ATR: variants seen among roughly 807,000 people sequenced by gnomAD.
ATR encodes serine/threonine-protein kinase ATR.
ATR carries 142 observed loss-of-function variants against 305.3 expected under a neutral mutation model. The ratio of observed to expected loss-of-function variants is 0.47; its 90% CI spans 0.41 to 0.53. ATR has a LOEUF of 0.53. Ranked by LOEUF, ATR falls within the 20% of genes least tolerant of loss-of-function variation. The probability of loss-of-function intolerance (pLI) is 0.00; values close to 1 mark genes in which losing one functional copy is unlikely to be tolerated. For synonymous variants in ATR, 1,050 were observed against 1,068.1 expected (o/e 0.98, Z 0.33); for missense variants, 2,135 against 3,133.1 (o/e 0.68, Z 7.60).
At chr3:142,555,158 C>G (rs1211809348) in intron 10 of ATR, among the ~76,000 whole-genome samples, 1 of 143,892 alleles carries the variant, frequency 6.9e-6, no homozygotes, top group Admixed American at 6.9e-5. Flanking sequence ...ATCGTCTGAA[C>G]CCAGGAGGCA....
chr3:142,520,997 T>C (rs2033125861), intron 23 of ATR, among the ~76,000 whole-genome samples: 1 of 152,208 alleles, frequency 6.6e-6, no homozygotes, highest in South Asian at 2.1e-4. Context: ...ATGCAATTGG[T>C]GACTTTAAAT....
chr3:142,539,624 T>C (rs1178221663), intron 18 of ATR, among the ~76,000 whole-genome samples: 2 of 152,190 alleles, frequency 1.3e-5, no homozygotes, highest in African/African-American at 2.4e-5. Flanking sequence ...TTATATGAAC[T>C]ATGGTTGTTT....
chr3:142,452,140 AG>A, intron 46 of ATR: 1 of 1,018,312 alleles, frequency 9.8e-7, no homozygotes, highest in Non-Finnish European at 1.2e-6. Context: ...CTCAAGACAA[AG>A]GGTTAAGGAT....
Position 142,561,866 on chromosome 3 carries a change from T to G in ATR, c.1170+366A>C, listed in dbSNP as rs79426313. Among the ~76,000 whole-genome samples the G allele has an allele frequency of 6.7e-3, 1,020 of 152,288 alleles. 14 individuals carry two copies. Among genetic ancestry groups the G allele is most frequent in the African/African-American group, 0.023 (964 of 41,564 alleles). ...TTTGGCATGATTAATCATTCATAGG[T>G]TTTCTAAAAGTGATTGATTATAACT... On this transcript the variant is annotated intron_variant, in intron 4 of 46. Coordinates refer to ENST00000350721, the MANE Select transcript of ATR (RefSeq NM_001184.4).
At chr3:142,518,776 G>A (rs2108386715) in intron 24 of ATR, among the ~76,000 whole-genome samples, 1 of 152,066 alleles carries the variant, frequency 6.6e-6, no homozygotes, top group African/African-American at 2.4e-5. Flanking sequence ...TGTGTACCTA[G>A]GGTACCAAAA....
chr3:142,512,271 A>G lies in ATR; in HGVS notation c.4841T>C (p.Val1614Ala). The G allele has an allele frequency of 6.2e-6, 10 of 1,610,298 alleles. No homozygotes were observed. The highest frequency in any genetic ancestry group is 8.5e-6 in the Non-Finnish European group (10 of 1,178,524). ...CPHSKSNRNKVDSMVSTVDYE... is the reference protein window; with the variant it reads ...CPHSKSNRNKADSMVSTVDYE... ...AAGTGATAACTCACCCATTGAGTCTACCTTATTTCTGTTTGATTTGCTGTG... is the reference window on the plus strand; with the variant it reads ...AAGTGATAACTCACCCATTGAGTCTGCCTTATTTCTGTTTGATTTGCTGTG... The change falls in exon 27 of 47, where the codon GTA becomes GCA. Residue 1614 changes from valine to alanine, a missense_variant. Physicochemically the swap from Val to Ala is moderately conservative, Grantham distance 64. This residue lies in a region of ATR where 202 missense variants were observed against 252.9 expected (regional missense o/e 0.80). Transcript: ENST00000350721.
chr3:142,496,251 C>T (rs1260405110), intron 34 of ATR, 110 bp downstream of exon 34: 1 of 232,174 alleles, frequency 4.3e-6, no homozygotes, highest in Non-Finnish European at 6.8e-6. Flanking sequence ...TCTCAGTTGG[C>T]CTTTTAAGGA....
chr3:142,497,719 T>C (rs2031728909), intron 32 of ATR, among the ~76,000 whole-genome samples: 1 of 151,984 alleles, frequency 6.6e-6, no homozygotes. Context: ...AAACCAAAAT[T>C]TACCACCTAA....
intron 34 of ATR, among the ~76,000 whole-genome samples, chr3:142,494,584 A>G (rs1358856607): frequency 1.3e-5 from 2 of 152,192 alleles, no homozygotes; most frequent in Non-Finnish European, 2.9e-5. Context: ...ATGAGTAGAA[A>G]TCTTCTTGGC....
At chr3:142,492,838 GT>G (rs994527346) in intron 35 of ATR, among the ~76,000 whole-genome samples, 7 of 152,066 alleles carry the variant, frequency 4.6e-5, no homozygotes, top group Non-Finnish European at 1.0e-4. Context: ...TTATAAATTG[GT>G]TTTGCTGAAA....
At position 142,578,701 on chromosome 3, in the gene ATR, C is replaced by T; in HGVS notation, c.4G>A (p.Gly2Arg). Reference sequence around the variant, plus strand: ...GAAGCCAGCTCCAGGCCATGTTCCCCCATGCTGAGGCTGCGAGGCACTAGT... The same window carrying T: ...GAAGCCAGCTCCAGGCCATGTTCCCTCATGCTGAGGCTGCGAGGCACTAGT... MGEHGLELASMI... is the reference protein window; with the variant it reads MREHGLELASMI... Residue 2 changes from glycine to arginine, a missense_variant, in exon 1 of 47, where the codon GGG becomes AGG. By Grantham distance (125) the Gly-to-Arg change is moderately radical. Coordinates refer to ENST00000350721, the MANE Select transcript of ATR (RefSeq NM_001184.4). The T allele has an allele frequency of 6.2e-7, 1 of 1,613,182 alleles. No homozygotes were observed. Among genetic ancestry groups the T allele is most frequent in the Non-Finnish European group, 8.5e-7 (1 of 1,179,754 alleles).
At position 142,469,625 on chromosome 3, in the gene ATR, C is replaced by G. The variant is rs150657158; in HGVS notation, c.6320-56G>C. 63 of 1,454,196 alleles carry G rather than the reference C, an allele frequency of 4.3e-5. No homozygotes were observed. In the East Asian group the frequency reaches 1.4e-3, roughly 33 times the overall value. 90.1% of individuals were successfully genotyped at this position (1,454,196 alleles called of 1,614,324 possible). ...AAAGGAAAGAGAAAAATCAGTATAT[C>G]AGTTCATTTCACAGAAGAAAAATTT... On this transcript the variant is annotated intron_variant, in intron 37 of 46. Transcript: ENST00000350721.
intron 7 of ATR, 55 bp downstream of exon 7, chr3:142,559,196 T>G (rs2034791021): frequency 6.4e-7 from 1 of 1,569,328 alleles, no homozygotes; most frequent in South Asian, 1.1e-5. Flanking sequence ...GAAAGCATAT[T>G]TCTATACTGA....
chr3:142,508,214 G>A (rs2032356739), intron 27 of ATR, 105 bp from the exon 28 acceptor site: 1 of 914,466 alleles, frequency 1.1e-6, no homozygotes, highest in Non-Finnish European at 1.6e-6. Context: ...AAATTAATCT[G>A]AATATATTAG....
rs1168226774 is a variant in ATR at position 142,466,552 on chromosome 3, C to T, written c.6688-19G>A. ...CATCAACCTGAAAAAATAAATAGTG[C>T]ATTTTAATTTGTTTTTACCTTAAAT... On this transcript the variant is annotated intron_variant, in intron 39 of 46. Transcript: ENST00000350721. 6.3e-7 allele frequency: 1 copy of T among 1,597,874 alleles called. No homozygotes were observed. The highest frequency in any genetic ancestry group is 8.6e-7 in the Non-Finnish European group (1 of 1,167,956).
intron 28 of ATR, 21 bp downstream of exon 28, chr3:142,507,910 T>A: frequency 6.4e-7 from 1 of 1,557,910 alleles, no homozygotes; most frequent in Non-Finnish European, 8.9e-7. Context: ...CATTATTAAA[T>A]TCACTATATT....
chr3:142,522,526 A>G (rs542440716), intron 23 of ATR, among the ~76,000 whole-genome samples: 1 of 152,316 alleles, frequency 6.6e-6, no homozygotes, highest in South Asian at 2.1e-4. Flanking sequence ...TTGTATATAC[A>G]TACAAAAATT....
intron 1 of ATR, among the ~76,000 whole-genome samples, chr3:142,578,276 C>T (rs1430276186): frequency 6.6e-6 from 1 of 152,150 alleles, no homozygotes; most frequent in Non-Finnish European, 1.5e-5. Flanking sequence ...GGGTCAAGTC[C>T]CTCGTCTAAG....
At chr3:142,458,571 A>T (rs1036327082) in intron 44 of ATR, among the ~76,000 whole-genome samples, 11 of 151,812 alleles carry the variant, frequency 7.2e-5, no homozygotes, top group Non-Finnish European at 1.2e-4. Flanking sequence ...GTATCTATAA[A>T]TTTTTTTTTA....
Sources: gnomAD v4.1 joint callset for allele counts (sites outside exome capture counted in the v4.1 genomes callset) on GRCh38, gnomAD v4.1.1 for gene constraint, gnomAD v4.1.1 regional missense constraint, MANE v1.5 for transcripts, NCBI Gene and HGNC (gene_info 2026-07-23, HGNC 2026-07-21) for gene names.